The following FER1L6 variants were observed in gnomAD, a reference collection of about 807,000 sequenced individuals.
FER1L6 encodes the protein fer-1 like family member 6.
FER1L6 carries 177 observed loss-of-function variants against 219.2 expected under a neutral mutation model. The observed-to-expected ratio is 0.81, with a 90% CI of 0.71 to 0.91. The LOEUF (loss-of-function observed/expected upper bound fraction) is 0.91, where lower values mean the gene tolerates loss of function less well. Ranked by LOEUF, FER1L6 falls within the 40% of genes least tolerant of loss-of-function variation. The pLI is 0.00. For missense variants in FER1L6, 2,153 were observed against 2,259.9 expected, an observed-to-expected ratio of 0.95 and a Z score of 0.96; for synonymous variants, 768 against 824.3, an observed-to-expected ratio of 0.93 and a Z score of 1.17.
chr8:124,045,934 C>T (rs749596376), intron 21 of FER1L6, 33 bp downstream of exon 21: 9 of 1,604,766 alleles, frequency 5.6e-6, no homozygotes, highest in Admixed American at 5.1e-5. Context: ...GCTGACCACA[C>T]CTCATAAAAA....
chr8:124,026,318 A>T (rs1308605364), intron 18 of FER1L6, among the ~76,000 whole-genome samples: 1 of 152,206 alleles, frequency 6.6e-6, no homozygotes, highest in Non-Finnish European at 1.5e-5. Context: ...TGTCCTCCCA[A>T]TATCAGTTCT....
At chr8:123,854,838 G>A (rs1307848421) in intron 1 of FER1L6, among the ~76,000 whole-genome samples, 1 of 152,172 alleles carries the variant, frequency 6.6e-6, no homozygotes, top group Non-Finnish European at 1.5e-5. Flanking sequence ...TCCTGGCACT[G>A]CGTTTATTCT....
chr8:123,935,227 G>A lies in FER1L6; in HGVS notation c.-7-20765G>A, dbSNP rs1813939828. 3.3e-5 allele frequency among the ~76,000 whole-genome samples: 5 copies of A among 151,732 alleles called. No individual in the cohort carries two copies. The South Asian group carries it at 1.0e-3, about 32-fold the overall frequency. On this transcript the variant is annotated intron_variant, in intron 1 of 40. Transcript: ENST00000522917. ...CTTTTTATTATCAGTATGAGCTTAT[G>A]GATTATCTATTTAACATGTTATAAT...
chr8:123,970,711 G>A (rs1238370160), intron 6 of FER1L6, among the ~76,000 whole-genome samples: 1 of 152,106 alleles, frequency 6.6e-6, no homozygotes, highest in Admixed American at 6.5e-5. Context: ...GCTCTGCCAG[G>A]GGAAGTGCAG....
chr8:123,974,795 C>T (rs1384615023), intron 7 of FER1L6, among the ~76,000 whole-genome samples: 3 of 151,680 alleles, frequency 2.0e-5, no homozygotes, highest in African/African-American at 7.3e-5. Context: ...AACAAAAAGA[C>T]CAAGGAGCCA....
chr8:124,027,137 G>A (rs1421181158), intron 18 of FER1L6, among the ~76,000 whole-genome samples: 2 of 152,106 alleles, frequency 1.3e-5, no homozygotes, highest in African/African-American at 4.8e-5. Flanking sequence ...CCAGTACAAT[G>A]TCATTTTAAC....
intron 1 of FER1L6, among the ~76,000 whole-genome samples, chr8:123,890,815 A>G (rs184018347): frequency 6.6e-6 from 1 of 150,772 alleles, no homozygotes; most frequent in African/African-American, 2.4e-5. Context: ...ACAAGTTTTG[A>G]GCAGAAATAT....
chr8:123,885,282 C>T (rs1287252992), intron 1 of FER1L6, among the ~76,000 whole-genome samples: 2 of 152,196 alleles, frequency 1.3e-5, no homozygotes, highest in African/African-American at 4.8e-5. Flanking sequence ...CTTTTTCCCT[C>T]TTGCCATGCT....
At chr8:124,081,219 T>C (rs779862211) in intron 32 of FER1L6, among the ~76,000 whole-genome samples, 7 of 152,184 alleles carry the variant, frequency 4.6e-5, no homozygotes, top group Non-Finnish European at 1.0e-4. Flanking sequence ...TCTACACAGC[T>C]GGAGAATACT....
At chr8:124,084,648 G>C (rs1442679347) in intron 33 of FER1L6, among the ~76,000 whole-genome samples, 1 of 152,044 alleles carries the variant, frequency 6.6e-6, no homozygotes, top group Non-Finnish European at 1.5e-5. Flanking sequence ...TTAACATGAT[G>C]TTGAATTTGG....
intron 18 of FER1L6, among the ~76,000 whole-genome samples, chr8:124,025,085 T>C (rs537163564): frequency 1.2e-4 from 18 of 152,342 alleles, no homozygotes; most frequent in Admixed American, 8.5e-4. Context: ...GAGTTCCTTG[T>C]AGATTCTGGA....
chr8:123,898,547 C>T (rs13260693), intron 1 of FER1L6, among the ~76,000 whole-genome samples: 34,210 of 150,640 alleles, frequency 0.23, 4,179 homozygotes, highest in East Asian at 0.43. Context: ...TTTTCCATTC[C>T]TGAGTTACTT....
chr8:123,854,256 A>T (rs2130235643), intron 1 of FER1L6, among the ~76,000 whole-genome samples: 1 of 152,244 alleles, frequency 6.6e-6, no homozygotes, highest in Non-Finnish European at 1.5e-5. Flanking sequence ...ATGAGAAAAA[A>T]ATATTACCTG....
chr8:123,999,475 G>C (rs1439087013), intron 12 of FER1L6, among the ~76,000 whole-genome samples: 1 of 152,116 alleles, frequency 6.6e-6, no homozygotes, highest in Non-Finnish European at 1.5e-5. Flanking sequence ...GTGAAACCCT[G>C]TCTCTGCTAA....
rs143371856 is a variant in FER1L6, at chr8:124,070,931, AG to A, written c.3966+334del. The stretch of plus-strand genomic sequence containing the variant: ...ACCAGTTGGACGATTAAACTAATCA[AG>A]CAACACAAGCCCTTCATCTGGCAGA... On this transcript the variant is annotated intron_variant, in intron 30 of 40. Transcript: ENST00000522917. Among the ~76,000 whole-genome samples the A allele has an allele frequency of 9.7e-3, 1,481 of 152,336 alleles. 23 individuals carry two copies. The highest frequency in any genetic ancestry group is 0.034 in the African/African-American group (1,394 of 41,568).
rs532343453 is a variant in FER1L6 at position 124,017,777 on chromosome 8, G to C, written c.2013+59G>C. 3.5e-6 allele frequency: 5 copies of C among 1,414,700 alleles called. No individual in the cohort carries two copies. The African/African-American group carries it at 7.1e-5, about 20-fold the overall frequency. 87.6% of individuals were successfully genotyped at this position (1,414,700 alleles called of 1,614,324 possible). A position where few individuals can be genotyped will look rare whatever the true frequency, so the allele number is the denominator to read the frequency against. Reference sequence around the variant, plus strand: ...AGTTAAAAATAAACCTCACGGATGAGGCATAGGTCACAGACCAAATGAGGT... The same window carrying C: ...AGTTAAAAATAAACCTCACGGATGACGCATAGGTCACAGACCAAATGAGGT... On this transcript the variant is annotated intron_variant, in intron 16 of 40. Transcript: ENST00000522917.
chr8:123,963,503 C>T, intron 3 of FER1L6, 105 bp downstream of exon 3: 1 of 1,350,678 alleles, frequency 7.4e-7, no homozygotes, highest in Non-Finnish European at 1.0e-6. Context: ...GACATAGTCA[C>T]TGTCTACAGG....
At chr8:123,926,383 G>A (rs2129880520) in intron 1 of FER1L6, among the ~76,000 whole-genome samples, 1 of 152,334 alleles carries the variant, frequency 6.6e-6, no homozygotes, top group Admixed American at 6.5e-5. Flanking sequence ...GGCCCATGCA[G>A]TTTCCCCAGG....
chr8:123,935,512 G>A (rs1180899580), intron 1 of FER1L6, among the ~76,000 whole-genome samples: 1 of 152,126 alleles, frequency 6.6e-6, no homozygotes, highest in African/African-American at 2.4e-5. Flanking sequence ...CTGAATTTTG[G>A]CAAAAACAGC....
Sources: gnomAD v4.1 joint callset for allele counts (sites outside exome capture counted in the v4.1 genomes callset) on GRCh38, gnomAD v4.1.1 for gene constraint, MANE v1.5 for transcripts, NCBI Gene and HGNC (gene_info 2026-07-23, HGNC 2026-07-21) for gene names.